SCHIP1: variants seen among roughly 807,000 people sequenced by gnomAD.
The protein encoded by SCHIP1 is schwannomin-interacting protein 1.
SCHIP1 carries 8 observed loss-of-function variants against 29.7 expected under a neutral mutation model. The observed-to-expected ratio is 0.27, with a 90% CI of 0.16 to 0.49. SCHIP1 has a LOEUF of 0.49. SCHIP1 is among the 20% of genes least tolerant of loss of function. The probability of loss-of-function intolerance (pLI) is 0.99; values close to 1 mark genes in which losing one functional copy is unlikely to be tolerated. For synonymous variants in SCHIP1, 76 were observed against 94.9 expected, an observed-to-expected ratio of 0.80 and a Z score of 1.16; for missense variants, 193 against 294.6, an observed-to-expected ratio of 0.66 and a Z score of 2.52.
At chr3:159,650,806 G>A in the SCHIP1 span, among the ~76,000 whole-genome samples, 948 of 152,258 alleles carry the variant, frequency 6.2e-3, 16 homozygotes, top group African/African-American at 0.02. Context: ...GCACTGGAAC[G>A]AGGTCAATGA....
the SCHIP1 span, among the ~76,000 whole-genome samples, chr3:159,827,823 A>AG: frequency 6.6e-6 from 1 of 151,974 alleles, no homozygotes; most frequent in African/African-American, 2.4e-5. Flanking sequence ...AAAAAAAAAA[A>AG]AAAGAAAATA....
the SCHIP1 span, among the ~76,000 whole-genome samples, chr3:159,365,462 A>C: frequency 4.6e-5 from 7 of 152,174 alleles, no homozygotes; most frequent in African/African-American, 1.7e-4. Flanking sequence ...TCACTTTCTC[A>C]TACTATATAT....
the SCHIP1 span, among the ~76,000 whole-genome samples, chr3:159,585,942 A>T: frequency 1.3e-5 from 2 of 152,124 alleles, no homozygotes; most frequent in African/African-American, 4.8e-5. Context: ...CCTAGTGCCT[A>T]GCATAATATT....
chr3:159,508,625 A>G, the SCHIP1 span, among the ~76,000 whole-genome samples: 1 of 152,304 alleles, frequency 6.6e-6, no homozygotes, highest in East Asian at 1.9e-4. Context: ...ATTTCCCGCT[A>G]CACACTGCTC....
At chr3:159,660,712 C>T in the SCHIP1 span, among the ~76,000 whole-genome samples, 1 of 152,068 alleles carries the variant, frequency 6.6e-6, no homozygotes, top group Non-Finnish European at 1.5e-5. Flanking sequence ...CTCAGGAAGT[C>T]TATGAATTTG....
chr3:159,636,495 T>TA, the SCHIP1 span, among the ~76,000 whole-genome samples: 1 of 152,208 alleles, frequency 6.6e-6, no homozygotes, highest in Non-Finnish European at 1.5e-5. Flanking sequence ...TAGACTTTTT[T>TA]AAAAAATCAA....
At chr3:159,596,899 T>C in the SCHIP1 span, among the ~76,000 whole-genome samples, 1 of 150,988 alleles carries the variant, frequency 6.6e-6, no homozygotes, top group Non-Finnish European at 1.5e-5. Context: ...TATACATATG[T>C]AACAAACCTG....
the SCHIP1 span, among the ~76,000 whole-genome samples, chr3:159,783,009 A>G: frequency 6.6e-6 from 1 of 152,330 alleles, no homozygotes. Flanking sequence ...AAGGTTGGGA[A>G]GGGGGAAGTT....
chr3:159,711,958 T>C, the SCHIP1 span, among the ~76,000 whole-genome samples: 1 of 152,134 alleles, frequency 6.6e-6, no homozygotes, highest in Non-Finnish European at 1.5e-5. Flanking sequence ...CTGCTGCTGC[T>C]GCTGCTGCTG....
chr3:159,571,571 G>A, the SCHIP1 span, among the ~76,000 whole-genome samples: 6 of 152,154 alleles, frequency 3.9e-5, no homozygotes, highest in Admixed American at 6.5e-5. Context: ...GTTCATCAGG[G>A]ATATTGATCT....
the SCHIP1 span, among the ~76,000 whole-genome samples, chr3:159,320,235 TGATA>T: frequency 9.2e-5 from 14 of 152,198 alleles, no homozygotes; most frequent in African/African-American, 3.4e-4. Context: ...TAATTATAAC[TGATA>T]GAGACTGAAA....
At chr3:159,729,637 T>A in the SCHIP1 span, among the ~76,000 whole-genome samples, 1 of 152,188 alleles carries the variant, frequency 6.6e-6, no homozygotes, top group Non-Finnish European at 1.5e-5. Context: ...ACAATAAACA[T>A]GCAGAATATA....
chr3:159,653,184 T>G, the SCHIP1 span, among the ~76,000 whole-genome samples: 3 of 152,176 alleles, frequency 2.0e-5, no homozygotes, highest in Non-Finnish European at 2.9e-5. Flanking sequence ...GTGTGGTGAT[T>G]CCTCAAGGAT....
At chr3:159,631,289 C>G in the SCHIP1 span, among the ~76,000 whole-genome samples, 14 of 152,034 alleles carry the variant, frequency 9.2e-5, no homozygotes, top group African/African-American at 3.4e-4. Context: ...GATGGTTTCT[C>G]AAAAATTTAA....
At chr3:159,385,587 A>C in the SCHIP1 span, among the ~76,000 whole-genome samples, 3 of 64,010 alleles carry the variant, frequency 4.7e-5, no homozygotes, top group South Asian at 1.3e-3. Context: ...AAAAAAAAAA[A>C]ACCAAAAAAA....
the SCHIP1 span, among the ~76,000 whole-genome samples, chr3:159,409,581 A>G: frequency 2.0e-5 from 3 of 152,106 alleles, no homozygotes; most frequent in African/African-American, 7.2e-5. Flanking sequence ...TAACCAAAAA[A>G]GTAAAATATC....
chr3:159,789,283 A>AG, the SCHIP1 span, among the ~76,000 whole-genome samples: 1 of 152,150 alleles, frequency 6.6e-6, no homozygotes, highest in Admixed American at 6.5e-5. Flanking sequence ...CGTCCTTTTC[A>AG]GGGGACCTCT....
the SCHIP1 span, among the ~76,000 whole-genome samples, chr3:159,719,573 A>G: frequency 6.6e-6 from 1 of 152,262 alleles, no homozygotes; most frequent in Non-Finnish European, 1.5e-5. Flanking sequence ...AAGTGGGTGA[A>G]GGATATGAAC....
chr3:159,576,420 T>C, the SCHIP1 span, among the ~76,000 whole-genome samples: 2 of 152,214 alleles, frequency 1.3e-5, no homozygotes, highest in Non-Finnish European at 2.9e-5. Context: ...GTGGCTGCTC[T>C]TTTGATCTTT....
Sources: allele counts gnomAD v4.1 joint callset (sites outside exome capture counted in the v4.1 genomes callset), GRCh38; gene constraint gnomAD v4.1.1; transcripts MANE v1.5; gene names NCBI Gene and HGNC (gene_info 2026-07-23, HGNC 2026-07-21).